Variants in PCSK5 observed in about 807,000 individuals in gnomAD.
The protein encoded by PCSK5 is prohormone convertase 5.
PCSK5 carries 129 observed loss-of-function variants against 233.2 expected under a neutral mutation model. The ratio of observed to expected loss-of-function variants is 0.55; its 90% CI spans 0.48 to 0.64. The LOEUF is 0.64. Among genes scored for constraint, PCSK5 ranks in the 30% least tolerant of loss-of-function variants. The probability of loss-of-function intolerance (pLI) is 0.00; values close to 1 mark genes in which losing one functional copy is unlikely to be tolerated. For missense variants in PCSK5, 2,076 were observed against 2,430.1 expected (o/e 0.85, Z 3.06); for synonymous variants, 825 against 879.2 (o/e 0.94, Z 1.09).
chr9:76,303,020 A>G (rs954046904), intron 28 of PCSK5, among the ~76,000 whole-genome samples: 2 of 143,228 alleles, frequency 1.4e-5, no homozygotes, highest in African/African-American at 5.2e-5. Context: ...AAAGTTGGAA[A>G]AAGAGAAACT....
chr9:75,961,842 G>C (rs1008208483), intron 2 of PCSK5, among the ~76,000 whole-genome samples: 1 of 152,196 alleles, frequency 6.6e-6, no homozygotes, highest in African/African-American at 2.4e-5. Context: ...CATCTCAACT[G>C]TTTCTTTTTG....
intron 3 of PCSK5, among the ~76,000 whole-genome samples, chr9:75,999,502 C>T (rs1000969547): frequency 3.3e-5 from 5 of 152,216 alleles, no homozygotes; most frequent in Non-Finnish European, 5.9e-5. Flanking sequence ...TTATGGAAAG[C>T]GAAGGGATGG....
chr9:76,174,926 T>C (rs1047105063), intron 13 of PCSK5, 60 bp from the exon 14 acceptor site: 2 of 1,476,124 alleles, frequency 1.4e-6, no homozygotes, highest in Admixed American at 2.1e-5. Flanking sequence ...GACTTAAAGA[T>C]GTTACAGAGC....
chr9:75,977,777 A>G (rs147774695), intron 2 of PCSK5, among the ~76,000 whole-genome samples: 45 of 151,544 alleles, frequency 3.0e-4, no homozygotes, highest in African/African-American at 1.1e-3. Flanking sequence ...CGCACGGCTA[A>G]TTTTTTATAT....
rs1286929664 is a variant in PCSK5 at position 76,328,134 on chromosome 9, G to C, written c.4465G>C (p.Asp1489His). 1 of 1,612,878 alleles carries C rather than the reference G, an allele frequency of 6.2e-7. No individual in the cohort carries two copies. The highest frequency in any genetic ancestry group is 2.2e-5 in the East Asian group (1 of 44,886). Residue 1489 changes from aspartate (D) to histidine (H), a missense_variant, in exon 33 of 38, where the codon GAT becomes CAT. By Grantham distance (81) the Asp-to-His change is moderately conservative (BLOSUM62 -1). This residue lies in a region of PCSK5 where 1,510 missense variants were observed against 1,538.1 expected (regional missense o/e 0.98). Coordinates refer to ENST00000674117, the MANE Select transcript of PCSK5 (RefSeq NM_001372043.1). ...NEKCSPSEYWDEDAPGCKPCH... is the reference protein window; with the variant it reads ...NEKCSPSEYWHEDAPGCKPCH... ...GAAGTGCTCACCCTCCGAGTACTGG[G>C]ATGAGGATGCTCCCGGGTGCAAGCC...
rs77931862 is a variant in PCSK5, at chr9:76,343,127, C to T, written c.4966+4680C>T. Among the ~76,000 whole-genome samples, 305 of 150,930 alleles carry T rather than the reference C, an allele frequency of 2.0e-3. 1 individual carries two copies. Among genetic ancestry groups the T allele is most frequent in the African/African-American group, 7.2e-3 (293 of 40,648 alleles). ...ATACAACAAATATAATGATACATCT[C>T]CACTTAAAAAACAACTCTCTACTGA... On this transcript the variant is annotated intron_variant, in intron 35 of 37. Coordinates refer to ENST00000674117, the MANE Select transcript of PCSK5 (RefSeq NM_001372043.1).
chr9:76,030,148 T>G (rs1314563573), intron 5 of PCSK5, among the ~76,000 whole-genome samples: 1 of 147,356 alleles, frequency 6.8e-6, no homozygotes, highest in African/African-American at 2.5e-5. Flanking sequence ...AGCAATACTT[T>G]AAGCAAAAAA....
At chr9:76,226,388 C>T (rs187976770) in intron 20 of PCSK5, among the ~76,000 whole-genome samples, 19 of 152,188 alleles carry the variant, frequency 1.2e-4, no homozygotes, top group Non-Finnish European at 1.9e-4. Flanking sequence ...GATGAATTTC[C>T]CTCATTTCCT....
chr9:76,315,268 G>C (rs929035384), intron 30 of PCSK5, among the ~76,000 whole-genome samples: 25 of 152,076 alleles, frequency 1.6e-4, no homozygotes, highest in Non-Finnish European at 2.9e-4. Context: ...TATCATTACA[G>C]TAGTTGTTTA....
intron 14 of PCSK5, among the ~76,000 whole-genome samples, chr9:76,177,354 T>A (rs1008050469): frequency 6.6e-6 from 1 of 152,092 alleles, no homozygotes; most frequent in Non-Finnish European, 1.5e-5. Context: ...TATCTTTAGA[T>A]GAGAAATATT....
chr9:75,920,512 A>G (rs537114563), intron 1 of PCSK5, among the ~76,000 whole-genome samples: 1 of 152,174 alleles, frequency 6.6e-6, no homozygotes, highest in African/African-American at 2.4e-5. Context: ...TTTAAATGCT[A>G]TAAAGCTCAA....
intron 24 of PCSK5, among the ~76,000 whole-genome samples, chr9:76,274,257 T>C (rs1216516969): frequency 1.3e-5 from 2 of 152,152 alleles, no homozygotes; most frequent in South Asian, 4.1e-4. Flanking sequence ...AATTTTTATG[T>C]CTATCACTTA....
At chr9:76,061,192 A>G (rs1264679656) in intron 5 of PCSK5, among the ~76,000 whole-genome samples, 2 of 152,206 alleles carry the variant, frequency 1.3e-5, no homozygotes, top group African/African-American at 2.4e-5. Flanking sequence ...TATGATGGAC[A>G]CATAAAGAGT....
At chr9:76,123,798 C>A (rs1832736381) in intron 9 of PCSK5, among the ~76,000 whole-genome samples, 1 of 152,134 alleles carries the variant, frequency 6.6e-6, no homozygotes, top group Non-Finnish European at 1.5e-5. Context: ...GCAAATATAT[C>A]TTCTGTATTC....
At chr9:76,028,858 C>T (rs1195535623) in intron 5 of PCSK5, among the ~76,000 whole-genome samples, 1 of 152,176 alleles carries the variant, frequency 6.6e-6, no homozygotes, top group Non-Finnish European at 1.5e-5. Flanking sequence ...GTTTGGCCCA[C>T]ACCTAGGAAT....
At position 76,023,842 on chromosome 9, in the gene PCSK5, C is replaced by T. The variant is rs776540211; in HGVS notation, c.516C>T (p.Asp172=). ...GKNIVVTILD[D]GIERTHPDLM... The stretch of plus-strand genomic sequence containing the variant: ...ACATTGTGGTCACTATCCTGGATGA[C>T]GGAATTGAGAGAACCCATCCAGATC... Residue 172 remains aspartate, a synonymous_variant, in exon 4 of 38, where the codon GAC becomes GAT. Coordinates refer to ENST00000674117, the MANE Select transcript of PCSK5 (RefSeq NM_001372043.1). 13 of 1,612,944 alleles carry T rather than the reference C, an allele frequency of 8.1e-6. No individual in the cohort carries two copies. Among genetic ancestry groups the T allele is most frequent in the South Asian group, 4.4e-5 (4 of 90,930 alleles).
intron 20 of PCSK5, among the ~76,000 whole-genome samples, chr9:76,220,181 C>T (rs1825678985): frequency 6.6e-6 from 1 of 152,182 alleles, no homozygotes; most frequent in African/African-American, 2.4e-5. Flanking sequence ...TTTCCTCATC[C>T]ACAGGTTCAA....
chr9:76,254,072 G>T (rs1011947963), intron 24 of PCSK5, among the ~76,000 whole-genome samples: 1 of 152,116 alleles, frequency 6.6e-6, no homozygotes, highest in African/African-American at 2.4e-5. Context: ...CCTTGCCATG[G>T]CAGACACAAA....
intron 21 of PCSK5, among the ~76,000 whole-genome samples, chr9:76,228,339 T>C (rs1825963974): frequency 6.6e-6 from 1 of 152,108 alleles, no homozygotes; most frequent in South Asian, 2.1e-4. Flanking sequence ...AATAATCTCT[T>C]CCCAGCAAAA....
Sources: allele counts gnomAD v4.1 joint callset (sites outside exome capture counted in the v4.1 genomes callset), GRCh38; gene constraint gnomAD v4.1.1; regional missense constraint gnomAD v4.1.1; transcripts MANE v1.5; gene names NCBI Gene and HGNC (gene_info 2026-07-23, HGNC 2026-07-21).